ERG: variants seen among roughly 807,000 people sequenced by gnomAD.
The protein encoded by ERG is transcriptional regulator ERG.
In ERG, 9 loss-of-function variants were observed where a neutral mutation model predicts 55.3. The ratio of observed to expected loss-of-function variants is 0.16; its 90% CI spans 0.10 to 0.28. ERG has a LOEUF of 0.28. Among genes scored for constraint, ERG ranks in the 10% least tolerant of loss-of-function variants. The probability of loss-of-function intolerance (pLI) is 1.00; values close to 1 mark genes in which losing one functional copy is unlikely to be tolerated. For synonymous variants in ERG, 223 were observed against 237.3 expected, an observed-to-expected ratio of 0.94 and a Z score of 0.55; for missense variants, 434 against 631.6, an observed-to-expected ratio of 0.69 and a Z score of 3.35.
intron 2 of ERG, among the ~76,000 whole-genome samples, chr21:38,551,383 T>C (rs1568905984): frequency 1.3e-5 from 2 of 152,206 alleles, no homozygotes; most frequent in African/African-American, 4.8e-5. Flanking sequence ...TCTTTTCTTC[T>C]GCTAGCAGTA....
intron 2 of ERG, among the ~76,000 whole-genome samples, chr21:38,550,981 T>C (rs1335925828): frequency 6.6e-6 from 1 of 152,214 alleles, no homozygotes; most frequent in African/African-American, 2.4e-5. Context: ...AAGTAACATT[T>C]TCATATCAGT....
upstream of ERG, among the ~76,000 whole-genome samples, chr21:38,588,125 C>T (rs1482573739): frequency 6.6e-6 from 1 of 152,232 alleles, no homozygotes; most frequent in African/African-American, 2.4e-5. Context: ...AGGCACACTA[C>T]CAGCCGCGTG....
intron 3 of ERG, among the ~76,000 whole-genome samples, chr21:38,406,479 G>A (rs1988778857): frequency 6.6e-6 from 1 of 152,124 alleles, no homozygotes; most frequent in South Asian, 2.1e-4. Flanking sequence ...ATCATACTGA[G>A]GTCTTAGGGC....
At chr21:38,493,561 A>G (rs527873530) in intron 1 of ERG, among the ~76,000 whole-genome samples, 1 of 152,330 alleles carries the variant, frequency 6.6e-6, no homozygotes, top group South Asian at 2.1e-4. Context: ...AACAAGATGT[A>G]TTTTTTGTAA....
At chr21:38,408,543 A>G (rs1988883933) in intron 3 of ERG, among the ~76,000 whole-genome samples, 1 of 152,164 alleles carries the variant, frequency 6.6e-6, no homozygotes, top group Admixed American at 6.5e-5. Context: ...CACCTCCACT[A>G]CTTTGGCCAG....
chr21:38,636,494 G>A (rs2060389706), intron 1 of ERG, among the ~76,000 whole-genome samples: 1 of 152,144 alleles, frequency 6.6e-6, no homozygotes, highest in Non-Finnish European at 1.5e-5. Flanking sequence ...GAATTCCTCA[G>A]CTTTAAAAAT....
At chr21:38,466,300 GGTGTGTGTGT>G (rs145670035) in intron 1 of ERG, among the ~76,000 whole-genome samples, 1 of 140,604 alleles carries the variant, frequency 7.1e-6, no homozygotes, top group African/African-American at 2.7e-5. Flanking sequence ...GATGGTCTGG[GGTGTGTGTGT>G]GTGTGTGTGT....
At chr21:38,422,674 A>G (rs897904153) in intron 3 of ERG, among the ~76,000 whole-genome samples, 2 of 152,208 alleles carry the variant, frequency 1.3e-5, no homozygotes, top group African/African-American at 4.8e-5. Context: ...GGCTAAATAA[A>G]TAAGTTCTTG....
At chr21:38,521,827 A>T (rs765220811) in intron 2 of ERG, among the ~76,000 whole-genome samples, 1 of 152,204 alleles carries the variant, frequency 6.6e-6, no homozygotes, top group African/African-American at 2.4e-5. Flanking sequence ...GTTTGATCAG[A>T]TAAGTATTAA....
intron 1 of ERG, among the ~76,000 whole-genome samples, chr21:38,582,523 T>C (rs533437657): frequency 1.3e-5 from 2 of 152,260 alleles, no homozygotes; most frequent in South Asian, 4.1e-4. Context: ...AGTGCAAGAG[T>C]TGGCCTGTAT....
intron 2 of ERG, among the ~76,000 whole-genome samples, chr21:38,516,117 T>C (rs1054389563): frequency 1.3e-5 from 2 of 152,092 alleles, no homozygotes; most frequent in Non-Finnish European, 2.9e-5. Context: ...AATATAGGAC[T>C]GGAAGTCTTA....
intron 2 of ERG, among the ~76,000 whole-genome samples, chr21:38,570,208 T>C (rs1427477316): frequency 6.6e-6 from 1 of 152,202 alleles, no homozygotes; most frequent in Non-Finnish European, 1.5e-5. Context: ...ATCACTGTTA[T>C]TAACTTGTTT....
At chr21:38,605,005 G>A (rs1007181477) in intron 1 of ERG, among the ~76,000 whole-genome samples, 1 of 152,162 alleles carries the variant, frequency 6.6e-6, no homozygotes, top group African/African-American at 2.4e-5. Flanking sequence ...AATCTTCAGT[G>A]TTTCCTAGAT....
At chr21:38,435,169 G>C (rs1450364988) in intron 2 of ERG, among the ~76,000 whole-genome samples, 3 of 152,130 alleles carry the variant, frequency 2.0e-5, no homozygotes, top group Non-Finnish European at 4.4e-5. Flanking sequence ...CCTGTCTCAA[G>C]TCTGAATACA....
chr21:38,549,196 T>C (rs1232559181), intron 2 of ERG, among the ~76,000 whole-genome samples: 1 of 152,060 alleles, frequency 6.6e-6, no homozygotes, highest in Non-Finnish European at 1.5e-5. Flanking sequence ...TCTCCGGGAT[T>C]GGGGCACAGG....
At chr21:38,402,524 C>T in intron 5 of ERG, 33 bp downstream of exon 5, 1 of 1,568,238 alleles carries the variant, frequency 6.4e-7, no homozygotes, top group Non-Finnish European at 8.8e-7. Context: ...ACCCTACGCT[C>T]TTGCTGGGAG....
intron 2 of ERG, among the ~76,000 whole-genome samples, chr21:38,528,861 A>G (rs2059651450): frequency 6.6e-6 from 1 of 152,154 alleles, no homozygotes; most frequent in Non-Finnish European, 1.5e-5. Flanking sequence ...GAGAACCACA[A>G]TATTAGCATT....
intron 2 of ERG, among the ~76,000 whole-genome samples, chr21:38,533,906 C>A (rs2146778251): frequency 6.6e-6 from 1 of 152,256 alleles, no homozygotes; most frequent in South Asian, 2.1e-4. Context: ...TTCCTTCATG[C>A]ACTAATCATG....
chr21:38,482,746 C>T (rs1158383671), intron 1 of ERG, among the ~76,000 whole-genome samples: 1 of 151,422 alleles, frequency 6.6e-6, no homozygotes, highest in East Asian at 1.9e-4. Context: ...GGCATGATCT[C>T]GACTGACTGC....
Sources: gnomAD v4.1 joint callset for allele counts (sites outside exome capture counted in the v4.1 genomes callset) on GRCh38, gnomAD v4.1.1 for gene constraint, MANE v1.5 for transcripts, NCBI Gene and HGNC (gene_info 2026-07-23, HGNC 2026-07-21) for gene names.